Variants in FGF9 observed in about 807,000 individuals in gnomAD.
FGF9 encodes the protein fibroblast growth factor 9 (glia-activating factor).
FGF9 carries 3 observed loss-of-function variants against 19.9 expected under a neutral mutation model. That is an observed-to-expected ratio of 0.15 (90% CI 0.07 to 0.39). FGF9 has a LOEUF of 0.39. Among genes scored for constraint, FGF9 ranks in the 10% least tolerant of loss-of-function variants. FGF9 has a pLI of 1.00. For synonymous variants in FGF9, 107 were observed against 106.9 expected (o/e 1.00, Z -0.01); for missense variants, 175 against 256.8 (o/e 0.68, Z 2.18).
chr13:21,675,550 G>T (rs1871894801), intron 1 of FGF9, among the ~76,000 whole-genome samples: 1 of 151,962 alleles, frequency 6.6e-6, no homozygotes, highest in Admixed American at 6.5e-5. Context: ...TGGCGCTCCC[G>T]CGCGCCGCCG....
intron 1 of FGF9, among the ~76,000 whole-genome samples, chr13:21,679,786 A>C (rs1346241272): frequency 1.3e-5 from 2 of 150,048 alleles, no homozygotes; most frequent in East Asian, 1.9e-4. Flanking sequence ...AAAATACAAA[A>C]AAAAAAAAAA....
At chr13:21,681,201 G>C in intron 2 of FGF9, 56 bp downstream of exon 2, 1 of 1,281,512 alleles carries the variant, frequency 7.8e-7, no homozygotes, top group Non-Finnish European at 1.1e-6. Context: ...TTGAACAGCT[G>C]TCTTTTCTCT....
chr13:21,699,933 T>A lies in FGF9; in HGVS notation c.382-1257T>A, dbSNP rs17840919. On this transcript the variant is annotated intron_variant, in intron 2 of 2. Transcript: ENST00000382353. ...ACAGTGAGAAGAGCAAAAAGGCCAG[T>A]AAGTCCTGTCACCTTATTTCTCTAG... Among the ~76,000 whole-genome samples, 1,235 of 152,256 alleles carry A rather than the reference T, an allele frequency of 8.1e-3. 18 individuals are homozygous for A. The highest frequency in any genetic ancestry group is 0.028 in the African/African-American group (1,155 of 41,554).
rs770574167 is a variant in FGF9, at chr13:21,671,903, G to A, written c.-10G>A. The A allele has an allele frequency of 6.2e-7, 1 of 1,614,094 alleles. No homozygotes were observed. The highest frequency in any genetic ancestry group is 2.2e-5 in the East Asian group (1 of 44,872). On this transcript the variant is annotated 5_prime_UTR_variant, in exon 1 of 3. Transcript: ENST00000382353. ...TGTTTATTCTTGTGCTCCAAAAGCC[G>A]AGTCCTCTGATGGCTCCCTTAGGTG...
At position 21,691,980 on chromosome 13, in the gene FGF9, T is replaced by A. The variant is rs1380951013; in HGVS notation, c.382-9210T>A. Among the ~76,000 whole-genome samples, 2 of 39,538 alleles carry A rather than the reference T, an allele frequency of 5.1e-5. No individual in the cohort carries two copies. The highest frequency in any genetic ancestry group is 3.4e-4 in the African/African-American group (1 of 2,908). The allele number at this position is 39,538 out of a possible 152,430, so 25.9% of individuals were successfully genotyped here. A position where few individuals can be genotyped will look rare whatever the true frequency, so the allele number is the denominator to read the frequency against. On this transcript the variant is annotated intron_variant, in intron 2 of 2. Transcript: ENST00000382353. This position sits in a 1 kb window ranked among gnomAD's most constrained non-coding sequence, Gnocchi z 4.2. ...GACATTAATTGATTCCCTTTTAATC[T>A]TTTTTTTTTTTTTGTAATTCTTCAT...
chr13:21,696,895 C>T (rs1872422666), intron 2 of FGF9, among the ~76,000 whole-genome samples: 1 of 152,160 alleles, frequency 6.6e-6, no homozygotes, highest in Non-Finnish European at 1.5e-5. Flanking sequence ...TATTTAAAAG[C>T]ATATGTATGA....
chr13:21,682,961 G>T (rs995859555), intron 2 of FGF9, among the ~76,000 whole-genome samples: 1 of 151,926 alleles, frequency 6.6e-6, no homozygotes, highest in African/African-American at 2.4e-5. Flanking sequence ...TTTTAAAATT[G>T]TTTATCTCAA....
Position 21,671,918 on chromosome 13 carries a change from T to C in FGF9, c.6T>C (p.Ala2=), listed in dbSNP as rs1474387873. The part of the protein sequence containing the change: M[A]PLGEVGNYFG... ...TCCAAAAGCCGAGTCCTCTGATGGC[T>C]CCCTTAGGTGAAGTTGGGAACTATT... is the stretch of plus-strand genomic sequence containing the variant. The change falls in exon 1 of 3, where the codon GCT becomes GCC. Residue 2 remains alanine, a synonymous_variant. Transcript: ENST00000382353. 3 of 1,614,206 alleles carry C rather than the reference T, an allele frequency of 1.9e-6. No individual in the cohort carries two copies. The highest frequency in any genetic ancestry group is 1.7e-5 in the Admixed American group (1 of 60,032).
chr13:21,681,272 T>G, intron 2 of FGF9, 127 bp downstream of exon 2: 1 of 727,184 alleles, frequency 1.4e-6, no homozygotes, highest in South Asian at 1.7e-5. Context: ...AAGTTTTTAC[T>G]TTTTGAGGAA....
intron 2 of FGF9, among the ~76,000 whole-genome samples, chr13:21,683,897 C>T (rs1289781559): frequency 6.6e-6 from 1 of 152,246 alleles, no homozygotes; most frequent in Non-Finnish European, 1.5e-5. Flanking sequence ...TTGAAGGATA[C>T]AGCCCACGTT....
chr13:21,674,490 A>C (rs1273247000), intron 1 of FGF9, among the ~76,000 whole-genome samples: 3 of 145,308 alleles, frequency 2.1e-5, no homozygotes, highest in Non-Finnish European at 4.5e-5. Flanking sequence ...CCGGCTTCAC[A>C]ACCGGGGGAG....
At chr13:21,677,942 T>G (rs915793905) in intron 1 of FGF9, among the ~76,000 whole-genome samples, 16 of 152,206 alleles carry the variant, frequency 1.1e-4, no homozygotes, top group African/African-American at 3.9e-4. Context: ...CCAGATGAGC[T>G]GCCCATCTTT....
rs565632335 is a variant in FGF9 at position 21,692,492 on chromosome 13, C to G, written c.382-8698C>G. Among the ~76,000 whole-genome samples the G allele has an allele frequency of 1.3e-4, 20 of 152,280 alleles. No individual in the cohort carries two copies. The East Asian group carries it at 3.9e-3, about 29-fold the overall frequency. ...GCACGGTTAGTGGAAGCACAGGCCC[C>G]GGGATCGCCACTTTGTCACTCACTG... On this transcript the variant is annotated intron_variant, in intron 2 of 2. Coordinates refer to ENST00000382353, the MANE Select transcript of FGF9 (RefSeq NM_002010.3).
chr13:21,681,485 C>A (rs1268014691), intron 2 of FGF9, among the ~76,000 whole-genome samples: 1 of 152,076 alleles, frequency 6.6e-6, no homozygotes, highest in Non-Finnish European at 1.5e-5. Flanking sequence ...TAAGCTTTGC[C>A]AAGCATTGTA....
At chr13:21,695,451 G>T (rs890004505) in intron 2 of FGF9, among the ~76,000 whole-genome samples, 1 of 151,954 alleles carries the variant, frequency 6.6e-6, no homozygotes, top group African/African-American at 2.4e-5. Context: ...TGGAAAACAG[G>T]GCTTGAGGTG....
At position 21,691,188 on chromosome 13, in the gene FGF9, A is replaced by G. The variant is rs1420478358; in HGVS notation, c.382-10002A>G. 1.3e-5 allele frequency among the ~76,000 whole-genome samples: 2 copies of G among 152,212 alleles called. No homozygotes were observed. The highest frequency in any genetic ancestry group is 2.4e-5 in the African/African-American group (1 of 41,446). ...CCTACAAATGCAAATGTACTTCCTC[A>G]TGTGGGTGATCTTAGAGCTGATTCA... On this transcript the variant is annotated intron_variant, in intron 2 of 2. Transcript: ENST00000382353. The surrounding 1 kb of genome is among the most constrained non-coding windows in gnomAD (Gnocchi z 4.2).
intron 2 of FGF9, among the ~76,000 whole-genome samples, chr13:21,686,910 C>T (rs1342684799): frequency 6.6e-6 from 1 of 152,172 alleles, no homozygotes; most frequent in African/African-American, 2.4e-5. Flanking sequence ...AAGTGACTTG[C>T]TCAAAGGCCC....
intron 2 of FGF9, among the ~76,000 whole-genome samples, chr13:21,683,778 C>T (rs1213093323): frequency 6.6e-6 from 1 of 152,236 alleles, no homozygotes; most frequent in African/African-American, 2.4e-5. Flanking sequence ...GCTTCCTTGC[C>T]TTCCTAGTCT....
chr13:21,672,328 C>T lies in FGF9; in HGVS notation c.277+139C>T. 3 of 973,892 alleles carry T rather than the reference C, an allele frequency of 3.1e-6. No homozygotes were observed. The highest frequency in any genetic ancestry group is 4.8e-6 in the Non-Finnish European group (3 of 626,752). 60.3% of individuals were successfully genotyped at this position (973,892 alleles called of 1,614,324 possible). On this transcript the variant is annotated intron_variant, in intron 1 of 2. Coordinates refer to ENST00000382353, the MANE Select transcript of FGF9 (RefSeq NM_002010.3). The surrounding 1 kb of genome is among the most constrained non-coding windows in gnomAD (Gnocchi z 4.2). ...TTTCTCTGTATCTCTGTCTCTCTCTCTCTCTGTCTTGCCAGCTCCGAAAAA... is the reference window on the plus strand; with the variant it reads ...TTTCTCTGTATCTCTGTCTCTCTCTTTCTCTGTCTTGCCAGCTCCGAAAAA...
Sources: allele counts gnomAD v4.1 joint callset (sites outside exome capture counted in the v4.1 genomes callset), GRCh38; gene constraint gnomAD v4.1.1; non-coding constraint Gnocchi (gnomAD v3.1); transcripts MANE v1.5; gene names NCBI Gene and HGNC (gene_info 2026-07-23, HGNC 2026-07-21).